Variants in PHIP observed in about 807,000 individuals in gnomAD.
The protein encoded by PHIP is PHIP subunit of CUL4-Ring ligase complex, also known as PH-interacting protein.
Under a neutral mutation model 236.8 loss-of-function variants are expected in PHIP, and 54 were observed. That is an observed-to-expected ratio of 0.23 (90% CI 0.18 to 0.29). The LOEUF (loss-of-function observed/expected upper bound fraction) is 0.29, where lower values mean the gene tolerates loss of function less well. Ranked by LOEUF, PHIP falls within the 10% of genes least tolerant of loss-of-function variation. PHIP has a pLI of 1.00. For synonymous variants in PHIP, 756 were observed against 718.9 expected (o/e 1.05, Z -0.83); for missense variants, 1,370 against 2,190.8 (o/e 0.63, Z 7.48).
At position 78,969,952 on chromosome 6, in the gene PHIP, A is replaced by AT. The variant is rs772130072; in HGVS notation, c.3123-36dup. On this transcript the variant is annotated intron_variant, in intron 26 of 39. Coordinates refer to ENST00000275034, the MANE Select transcript of PHIP (RefSeq NM_017934.7). ...AACAGAAACAAATTGATTAGGTCACATACCTAAAAATACCTAAAAGATGTT... is the reference window on the plus strand; with the variant it reads ...AACAGAAACAAATTGATTAGGTCACATTACCTAAAAATACCTAAAAGATGTT... 2.4e-4 allele frequency: 375 copies of AT among 1,540,868 alleles called. 1 individual carries two copies. In the Middle Eastern group the frequency reaches 5.5e-3, roughly 22 times the overall value.
chr6:79,075,007 T>C (rs1053776469), intron 4 of PHIP, among the ~76,000 whole-genome samples: 2 of 152,040 alleles, frequency 1.3e-5, no homozygotes, highest in African/African-American at 4.8e-5. Flanking sequence ...CCAGGTAGAG[T>C]AGAAACTAAT....
At chr6:79,008,392 G>C (rs1471324716) in intron 15 of PHIP, among the ~76,000 whole-genome samples, 1 of 151,832 alleles carries the variant, frequency 6.6e-6, no homozygotes, top group Non-Finnish European at 1.5e-5. Flanking sequence ...AAGTGATTCT[G>C]AAAAATCAGC....
At chr6:78,948,374 G>C (rs1773942911) in intron 35 of PHIP, among the ~76,000 whole-genome samples, 1 of 152,158 alleles carries the variant, frequency 6.6e-6, no homozygotes, top group Admixed American at 6.5e-5. Context: ...TTAGGTAACA[G>C]ATTGGAACCA....
intron 24 of PHIP, among the ~76,000 whole-genome samples, chr6:78,975,724 C>T (rs1422119026): frequency 6.6e-6 from 1 of 152,080 alleles, no homozygotes; most frequent in Non-Finnish European, 1.5e-5. Flanking sequence ...TTCCTATACA[C>T]CAACAACGGA....
chr6:79,011,725 T>C (rs1330020735), intron 15 of PHIP, among the ~76,000 whole-genome samples: 3 of 151,742 alleles, frequency 2.0e-5, no homozygotes, highest in Non-Finnish European at 4.4e-5. Flanking sequence ...ACTTGAAAGT[T>C]GAGAATCCAT....
intron 27 of PHIP, 125 bp from the exon 28 acceptor site, chr6:78,966,181 C>T: frequency 3.2e-6 from 2 of 623,380 alleles, no homozygotes; most frequent in Admixed American, 2.6e-5. Context: ...AAGTGAACCA[C>T]AAACTCCAAA....
chr6:78,973,174 A>T (rs1767739971), intron 24 of PHIP, among the ~76,000 whole-genome samples: 1 of 152,180 alleles, frequency 6.6e-6, no homozygotes, highest in South Asian at 2.1e-4. Flanking sequence ...CTAACAGCGG[A>T]TCTCTCAGCA....
intron 35 of PHIP, among the ~76,000 whole-genome samples, chr6:78,949,411 T>A (rs577789466): frequency 6.6e-6 from 1 of 152,208 alleles, no homozygotes; most frequent in African/African-American, 2.4e-5. Context: ...TTTCTCACTC[T>A]CACACACTAA....
In PHIP at chr6:78,941,077, A is replaced by C; in HGVS notation, c.5082T>G (p.Phe1694Leu). Residue 1694 changes from phenylalanine to leucine, a missense_variant, in exon 40 of 40, where the codon TTT (phenylalanine) becomes TTG (leucine). By Grantham distance (22) the Phe-to-Leu change is conservative (BLOSUM62 0). Coordinates refer to ENST00000275034, the MANE Select transcript of PHIP (RefSeq NM_017934.7). ...DEVLPSSTCNFLSETNNVKED... is the reference protein window; with the variant it reads ...DEVLPSSTCNLLSETNNVKED... Reference sequence around the variant, plus strand: ...CCTTTACATTATTAGTTTCAGAAAGAAAATTGCATGTTGAAGAAGGAAGTA... The same window carrying C: ...CCTTTACATTATTAGTTTCAGAAAGCAAATTGCATGTTGAAGAAGGAAGTA... The C allele has an allele frequency of 6.2e-7, 1 of 1,614,124 alleles. No homozygotes were observed. Among genetic ancestry groups the C allele is most frequent in the Non-Finnish European group, 8.5e-7 (1 of 1,179,982 alleles).
chr6:79,045,496 C>T (rs1322659454), intron 6 of PHIP, among the ~76,000 whole-genome samples: 6 of 152,018 alleles, frequency 3.9e-5, no homozygotes, highest in Non-Finnish European at 7.4e-5. Context: ...TCTTATATTT[C>T]TCAAACTTGA....
chr6:79,007,917 T>C (rs1013539273), intron 15 of PHIP, among the ~76,000 whole-genome samples: 2 of 152,004 alleles, frequency 1.3e-5, no homozygotes, highest in Admixed American at 1.3e-4. Flanking sequence ...GTAAACTAGA[T>C]ACAAAAAAGA....
chr6:79,066,099 T>A (rs1436511282), intron 4 of PHIP, among the ~76,000 whole-genome samples: 1 of 152,058 alleles, frequency 6.6e-6, no homozygotes, highest in Non-Finnish European at 1.5e-5. Flanking sequence ...TTCTCAGTAA[T>A]CTGCCATACA....
intron 4 of PHIP, 75 bp downstream of exon 4, chr6:79,077,373 T>C: frequency 7.3e-7 from 1 of 1,368,610 alleles, no homozygotes; most frequent in Non-Finnish European, 1.0e-6. Flanking sequence ...TTTGTCTCTG[T>C]AAAAAATTGC....
In PHIP at chr6:79,016,335, T is replaced by TA. The variant is rs371576847; in HGVS notation, c.1235+208dup. Among the ~76,000 whole-genome samples the TA allele has an allele frequency of 6.4e-4, 98 of 152,042 alleles. 1 individual carries two copies. In the South Asian group the frequency reaches 7.9e-3, roughly 12 times the overall value. On this transcript the variant is annotated intron_variant, in intron 13 of 39. Transcript: ENST00000275034. ...TCTTACAGTACTTTTATCATCTCCT[T>TA]AAAAAAATTAATGCAATGTCCTGAA...
chr6:79,061,519 C>T (rs973743904), intron 4 of PHIP, among the ~76,000 whole-genome samples: 4 of 152,000 alleles, frequency 2.6e-5, no homozygotes, highest in African/African-American at 9.7e-5. Context: ...CTCTATTAAG[C>T]CAGATATTAA....
intron 6 of PHIP, among the ~76,000 whole-genome samples, chr6:79,056,216 G>C (rs1773064756): frequency 6.6e-6 from 1 of 152,172 alleles, no homozygotes; most frequent in African/African-American, 2.4e-5. Context: ...ATTCTGCCCA[G>C]TTTAACATCT....
At chr6:79,067,243 G>C (rs921108384) in intron 4 of PHIP, among the ~76,000 whole-genome samples, 1 of 151,960 alleles carries the variant, frequency 6.6e-6, no homozygotes. Flanking sequence ...TGCAAGAATG[G>C]GCCCTATGGA....
intron 21 of PHIP, among the ~76,000 whole-genome samples, chr6:78,985,671 T>A (rs1386359344): frequency 6.6e-6 from 1 of 152,116 alleles, no homozygotes; most frequent in Non-Finnish European, 1.5e-5. Context: ...CGACACCCTG[T>A]CTCTACTAAA....
rs770669272 is a variant in PHIP at position 78,935,358 on chromosome 6, C to T, written c.*5335G>A. On this transcript the variant is annotated 3_prime_UTR_variant, in exon 40 of 40. Coordinates refer to ENST00000275034, the MANE Select transcript of PHIP (RefSeq NM_017934.7). ...TTATGTATTCATATCTAATGGTCTTCATGCTAAAATTGGGATTCTTAGTCA... is the reference window on the plus strand; with the variant it reads ...TTATGTATTCATATCTAATGGTCTTTATGCTAAAATTGGGATTCTTAGTCA... The T allele has an allele frequency of 5.0e-6, 1 of 200,874 alleles. No individual in the cohort carries two copies. Among genetic ancestry groups the T allele is most frequent in the Non-Finnish European group, 8.9e-6 (1 of 112,484 alleles). 12.4% of individuals were successfully genotyped at this position (200,874 alleles called of 1,614,324 possible).
Sources: allele counts gnomAD v4.1 joint callset (sites outside exome capture counted in the v4.1 genomes callset), GRCh38; gene constraint gnomAD v4.1.1; transcripts MANE v1.5; gene names NCBI Gene and HGNC (gene_info 2026-07-23, HGNC 2026-07-21).